Variants in FTO observed in about 807,000 individuals in gnomAD.
FTO encodes alpha-ketoglutarate-dependent dioxygenase FTO.
A neutral mutation model predicts 63.9 loss-of-function variants in FTO; 47 were observed. That is an observed-to-expected ratio of 0.74 (90% CI 0.58 to 0.94). The LOEUF (loss-of-function observed/expected upper bound fraction) is 0.94. Ranked by LOEUF, FTO falls within the 40% of genes least tolerant of loss-of-function variation. FTO has a pLI of 0.00. For synonymous variants in FTO, 207 were observed against 224.4 expected, an observed-to-expected ratio of 0.92 and a Z score of 0.69; for missense variants, 562 against 618.1, an observed-to-expected ratio of 0.91 and a Z score of 0.96.
intron 8 of FTO, among the ~76,000 whole-genome samples, chr16:54,029,102 G>A (rs2084776499): frequency 6.6e-6 from 1 of 152,168 alleles, no homozygotes; most frequent in South Asian, 2.1e-4. Flanking sequence ...AAGGAATCCA[G>A]AAAGATCGTA....
intron 8 of FTO, among the ~76,000 whole-genome samples, chr16:54,077,118 A>G (rs933614735): frequency 6.6e-6 from 1 of 152,212 alleles, no homozygotes; most frequent in Non-Finnish European, 1.5e-5. Flanking sequence ...CTTAAAAATC[A>G]TGGATTGATT....
At chr16:53,752,309 G>A (rs1012757076) in intron 1 of FTO, among the ~76,000 whole-genome samples, 2 of 152,208 alleles carry the variant, frequency 1.3e-5, no homozygotes, top group Non-Finnish European at 1.5e-5. Flanking sequence ...TCTAGTAATA[G>A]GAGAGGGACA....
intron 8 of FTO, among the ~76,000 whole-genome samples, chr16:54,088,990 G>C (rs1270347008): frequency 3.9e-5 from 6 of 152,170 alleles, no homozygotes; most frequent in African/African-American, 1.4e-4. Context: ...AATCCAATAG[G>C]AGATGGCAGG....
At chr16:53,980,268 A>C (rs1470719577) in intron 8 of FTO, among the ~76,000 whole-genome samples, 1 of 152,146 alleles carries the variant, frequency 6.6e-6, no homozygotes, top group African/African-American at 2.4e-5. Context: ...TTTACCGAAC[A>C]ATTGTGAAAT....
rs191877958 is a variant in FTO at position 54,021,740 on chromosome 16, G to T, written c.1364+87631G>T. Among the ~76,000 whole-genome samples, 243 of 152,152 alleles carry T rather than the reference G, an allele frequency of 1.6e-3. 1 individual carries two copies. Among genetic ancestry groups the T allele is most frequent in the African/African-American group, 5.7e-3 (236 of 41,498 alleles). The stretch of plus-strand genomic sequence containing the variant: ...CCTGACCTCATGATCCGCCTGCCTT[G>T]GCCTCCCAAAGTGCCAAGATTACAG... On this transcript the variant is annotated intron_variant, in intron 8 of 8. Coordinates refer to ENST00000471389, the MANE Select transcript of FTO (RefSeq NM_001080432.3).
intron 1 of FTO, among the ~76,000 whole-genome samples, chr16:53,772,489 C>A (rs2077362224): frequency 6.6e-6 from 1 of 152,076 alleles, no homozygotes; most frequent in Non-Finnish European, 1.5e-5. Flanking sequence ...TTCTCTGTAT[C>A]ATCAACATGT....
At chr16:53,711,813 T>A (rs1208583439) in intron 1 of FTO, among the ~76,000 whole-genome samples, 1 of 152,246 alleles carries the variant, frequency 6.6e-6, no homozygotes, top group Non-Finnish European at 1.5e-5. Flanking sequence ...TTTTTATCAA[T>A]GAAGGAAAAT....
chr16:53,704,313 G>GC, intron 1 of FTO, 84 bp downstream of exon 1: 1 of 1,350,442 alleles, frequency 7.4e-7, no homozygotes, highest in Non-Finnish European at 1.0e-6. Context: ...TTGATGGCGA[G>GC]CGGATGCGCG....
chr16:53,789,593 T>G (rs2077840545), intron 1 of FTO, among the ~76,000 whole-genome samples: 1 of 152,172 alleles, frequency 6.6e-6, no homozygotes, highest in Non-Finnish European at 1.5e-5. Context: ...TAAGATCATA[T>G]GTAGTTTAGA....
intron 7 of FTO, among the ~76,000 whole-genome samples, chr16:53,892,137 C>T (rs961409904): frequency 3.9e-5 from 6 of 152,036 alleles, no homozygotes; most frequent in Non-Finnish European, 8.8e-5. Context: ...GATGAATCTA[C>T]GGTTCTGTGG....
rs1555500067 is a variant in FTO at position 53,984,321 on chromosome 16, C to CCT, written c.1364+50212_1364+50213insCT. On this transcript the variant is annotated intron_variant, in intron 8 of 8. Coordinates refer to ENST00000471389, the MANE Select transcript of FTO (RefSeq NM_001080432.3). ...CCTCTATCCCTCCCTTGGAATGGGT[C>CCT]TTTTTTTTTTTTTTTTTTTTTTTTT... is the stretch of plus-strand genomic sequence containing the variant. 7.2e-3 allele frequency among the ~76,000 whole-genome samples: 482 copies of CCT among 67,304 alleles called. 23 individuals are homozygous for CCT. The highest frequency in any genetic ancestry group is 0.015 in the African/African-American group (273 of 17,968). 44.2% of individuals were successfully genotyped at this position (67,304 alleles called of 152,430 possible). A position where few individuals can be genotyped will look rare whatever the true frequency, so the allele number is the denominator to read the frequency against.
At chr16:53,981,561 T>A (rs2083544941) in intron 8 of FTO, 1 of 152,236 alleles carries the variant, frequency 6.6e-6, no homozygotes, top group African/African-American at 2.4e-5. Context: ...TCACCTGAGG[T>A]CAGGAGTTTG....
chr16:54,097,090 G>A (rs868284566), intron 8 of FTO, among the ~76,000 whole-genome samples: 10 of 152,164 alleles, frequency 6.6e-5, no homozygotes, highest in Middle Eastern at 3.2e-3. Flanking sequence ...GCATATGGAC[G>A]TAAGCCATAC....
At chr16:53,913,078 C>G (rs1021981781) in intron 7 of FTO, among the ~76,000 whole-genome samples, 8 of 152,158 alleles carry the variant, frequency 5.3e-5, no homozygotes, top group African/African-American at 1.9e-4. Flanking sequence ...TTTCTTCCCC[C>G]TTCTATTTTG....
chr16:54,020,201 C>T (rs2084555675), intron 8 of FTO, among the ~76,000 whole-genome samples: 3 of 152,058 alleles, frequency 2.0e-5, no homozygotes, highest in Admixed American at 2.0e-4. Flanking sequence ...TTTGTCTTTC[C>T]TGTATGCAGT....
At chr16:54,082,062 C>A (rs1192225415) in intron 8 of FTO, among the ~76,000 whole-genome samples, 1 of 152,196 alleles carries the variant, frequency 6.6e-6, no homozygotes, top group Non-Finnish European at 1.5e-5. Context: ...CTCTGCCCCA[C>A]ACCCTGTTTA....
chr16:53,827,901 C>T (rs2079051371), intron 3 of FTO, among the ~76,000 whole-genome samples: 1 of 152,182 alleles, frequency 6.6e-6, no homozygotes. Context: ...GGAGACAACT[C>T]TCCAAACCTG....
intron 1 of FTO, among the ~76,000 whole-genome samples, chr16:53,795,704 T>C (rs911308594): frequency 6.6e-6 from 1 of 152,166 alleles, no homozygotes; most frequent in Non-Finnish European, 1.5e-5. Context: ...GTTGACGTTG[T>C]AGAATTTAAG....
chr16:53,860,010 A>C (rs1029461375), intron 4 of FTO, among the ~76,000 whole-genome samples: 18 of 152,242 alleles, frequency 1.2e-4, no homozygotes, highest in African/African-American at 4.3e-4. Flanking sequence ...TGCATTATTC[A>C]CAAAAGCCAT....
Sources: allele counts gnomAD v4.1 joint callset (sites outside exome capture counted in the v4.1 genomes callset), GRCh38; gene constraint gnomAD v4.1.1; transcripts MANE v1.5; gene names NCBI Gene and HGNC (gene_info 2026-07-23, HGNC 2026-07-21).